The following ADGRL4 variants were observed in gnomAD, a reference collection of about 807,000 sequenced individuals.
ADGRL4 encodes EGF, latrophilin and seven transmembrane domain containing 1.
In ADGRL4, 90 loss-of-function variants were observed where a neutral mutation model predicts 74.8. The observed-to-expected ratio is 1.20, with a 90% CI of 1.02 to 1.43. The LOEUF is 1.43. ADGRL4 is among the 40% of genes most tolerant of loss of function. The pLI, the probability that ADGRL4 is intolerant of heterozygous loss-of-function variation, is 0.00. For missense variants in ADGRL4, 881 were observed against 814.3 expected (o/e 1.08, Z -1.00); for synonymous variants, 311 against 279.2 (o/e 1.11, Z -1.14).
chr1:78,895,742 T>A (rs555382361), intron 12 of ADGRL4, among the ~76,000 whole-genome samples: 1 of 151,754 alleles, frequency 6.6e-6, no homozygotes, highest in South Asian at 2.1e-4. Context: ...TGGCATGACA[T>A]GAGTTGGGTG....
intron 2 of ADGRL4, among the ~76,000 whole-genome samples, chr1:78,988,389 T>C (rs1465155717): frequency 1.3e-5 from 2 of 151,830 alleles, no homozygotes; most frequent in Non-Finnish European, 2.9e-5. Flanking sequence ...TTCACAGAAT[T>C]CATATTTAGC....
chr1:78,898,186 T>G (rs1473178527), intron 12 of ADGRL4, among the ~76,000 whole-genome samples: 1 of 152,144 alleles, frequency 6.6e-6, no homozygotes, highest in Non-Finnish European at 1.5e-5. Flanking sequence ...AGGTGATGAC[T>G]TGGAGGAAAG....
At chr1:79,001,214 GAAGGGAGA>G (rs1428689106) in intron 2 of ADGRL4, among the ~76,000 whole-genome samples, 3 of 115,874 alleles carry the variant, frequency 2.6e-5, no homozygotes, top group Non-Finnish European at 5.3e-5. Flanking sequence ...AGGAAGGGAG[GAAGGGAGA>G]GAGGGAGGGA....
intron 2 of ADGRL4, among the ~76,000 whole-genome samples, chr1:78,974,858 G>A (rs1487957105): frequency 6.6e-6 from 1 of 152,062 alleles, no homozygotes; most frequent in Admixed American, 6.6e-5. Flanking sequence ...AGATAATTCA[G>A]GATAATCGAC....
chr1:78,899,346 CTATG>C (rs983088145), intron 12 of ADGRL4, among the ~76,000 whole-genome samples: 1 of 152,030 alleles, frequency 6.6e-6, no homozygotes, highest in African/African-American at 2.4e-5. Context: ...GCAGAAATGG[CTATG>C]TATGTATGTA....
intron 2 of ADGRL4, among the ~76,000 whole-genome samples, chr1:78,964,194 A>G (rs1428671919): frequency 1.3e-5 from 2 of 152,200 alleles, no homozygotes; most frequent in Non-Finnish European, 2.9e-5. Context: ...CTTTTGTCCA[A>G]CTTGAAAATG....
At chr1:78,963,613 C>A (rs1263609360) in intron 2 of ADGRL4, among the ~76,000 whole-genome samples, 2 of 152,094 alleles carry the variant, frequency 1.3e-5, no homozygotes, top group African/African-American at 4.8e-5. Context: ...TATTTTAAGA[C>A]AAATATGCTT....
intron 3 of ADGRL4, among the ~76,000 whole-genome samples, chr1:78,940,879 A>C (rs1649461899): frequency 6.6e-6 from 1 of 152,194 alleles, no homozygotes; most frequent in Middle Eastern, 3.2e-3. Flanking sequence ...ACCAAAACTG[A>C]AAATGGAAAG....
At chr1:78,959,968 C>A (rs1272313190) in intron 2 of ADGRL4, among the ~76,000 whole-genome samples, 1 of 152,054 alleles carries the variant, frequency 6.6e-6, no homozygotes, top group Non-Finnish European at 1.5e-5. Context: ...ATGCCCAACA[C>A]AAATATTTTG....
chr1:78,912,503 G>T (rs1648782315), intron 12 of ADGRL4, among the ~76,000 whole-genome samples: 1 of 151,858 alleles, frequency 6.6e-6, no homozygotes, highest in Non-Finnish European at 1.5e-5. Flanking sequence ...CAATGTGCAT[G>T]CAAGGGATCT....
intron 8 of ADGRL4, among the ~76,000 whole-genome samples, chr1:78,923,023 T>C (rs1330432027): frequency 1.3e-5 from 2 of 151,840 alleles, no homozygotes; most frequent in African/African-American, 2.4e-5. Flanking sequence ...TGAAAAAAAC[T>C]GTGAGTTTGT....
chr1:78,908,422 A>G (rs1648689039), intron 12 of ADGRL4, among the ~76,000 whole-genome samples: 1 of 152,072 alleles, frequency 6.6e-6, no homozygotes, highest in African/African-American at 2.4e-5. Flanking sequence ...AAAGCTTTAA[A>G]AAGTTATAAA....
chr1:78,917,870 A>G lies in ADGRL4; in HGVS notation c.1642T>C (p.Ser548Pro). The G allele has an allele frequency of 6.2e-7, 1 of 1,612,712 alleles. No homozygotes were observed. The highest frequency in any genetic ancestry group is 8.5e-7 in the Non-Finnish European group (1 of 1,179,112). ...TAATATCTGTATCCTAGTGCTGCCG[A>G]AAATCCAACTACCACGGCTGGGCTT... ...YLSPAVVVGF[S>P]AALGYRYYGT... is the part of the protein sequence containing the mutation. Residue 548 changes from serine to proline, a missense_variant, in exon 11 of 15, where the codon TCG becomes CCG. Physicochemically the swap from Ser to Pro is moderately conservative, Grantham distance 74 (BLOSUM62 -1). Coordinates refer to ENST00000370742, the MANE Select transcript of ADGRL4 (RefSeq NM_022159.4).
chr1:78,934,745 G>T (rs1042891648), intron 7 of ADGRL4, among the ~76,000 whole-genome samples: 1 of 152,038 alleles, frequency 6.6e-6, no homozygotes, highest in Non-Finnish European at 1.5e-5. Flanking sequence ...GTGGGCAAAG[G>T]ATATGGACAG....
At chr1:78,913,965 G>T (rs1648816639) in intron 12 of ADGRL4, among the ~76,000 whole-genome samples, 1 of 151,862 alleles carries the variant, frequency 6.6e-6, no homozygotes, top group Non-Finnish European at 1.5e-5. Context: ...GGACTAAGAA[G>T]TGATTAATGT....
intron 2 of ADGRL4, among the ~76,000 whole-genome samples, chr1:78,950,192 G>A (rs1389045013): frequency 6.6e-6 from 1 of 152,152 alleles, no homozygotes; most frequent in Non-Finnish European, 1.5e-5. Flanking sequence ...GTCAGGTAAT[G>A]AAGTATAAGC....
intron 6 of ADGRL4, among the ~76,000 whole-genome samples, chr1:78,936,827 C>T (rs1570240931): frequency 6.6e-6 from 1 of 152,032 alleles, no homozygotes; most frequent in East Asian, 1.9e-4. Flanking sequence ...CATGCAGAAA[C>T]ATTATAAAAA....
At chr1:78,949,933 C>A (rs1231380586) in intron 2 of ADGRL4, among the ~76,000 whole-genome samples, 2 of 151,958 alleles carry the variant, frequency 1.3e-5, no homozygotes, top group Non-Finnish European at 2.9e-5. Flanking sequence ...CCTCGTTCAC[C>A]TCTGATACGC....
In ADGRL4 at chr1:78,889,801, T is replaced by C; in HGVS notation, c.*1353A>G. 2.2e-6 allele frequency: 1 copy of C among 459,570 alleles called. No homozygotes were observed. The highest frequency in any genetic ancestry group is 4.5e-6 in the Non-Finnish European group (1 of 221,308). 28.5% of individuals were successfully genotyped at this position (459,570 alleles called of 1,614,324 possible). A position where few individuals can be genotyped will look rare whatever the true frequency, so the allele number is the denominator to read the frequency against. On this transcript the variant is annotated 3_prime_UTR_variant, in exon 15 of 15. Coordinates refer to ENST00000370742, the MANE Select transcript of ADGRL4 (RefSeq NM_022159.4). ...ACATTTTATTTGTTAGAGCAAGATTTGGCAGACTTCATTTCAACAGCTGGA... is the reference window on the plus strand; with the variant it reads ...ACATTTTATTTGTTAGAGCAAGATTCGGCAGACTTCATTTCAACAGCTGGA...
Sources: gnomAD v4.1 joint callset for allele counts (sites outside exome capture counted in the v4.1 genomes callset) on GRCh38, gnomAD v4.1.1 for gene constraint, MANE v1.5 for transcripts, NCBI Gene and HGNC (gene_info 2026-07-23, HGNC 2026-07-21) for gene names.